The following PIK3C2B variants were observed in gnomAD, a reference collection of about 807,000 sequenced individuals.
The protein encoded by PIK3C2B is phosphatidylinositol-4-phosphate 3-kinase catalytic subunit type 2 beta.
Under a neutral mutation model 184.3 loss-of-function variants are expected in PIK3C2B, and 83 were observed. The observed-to-expected ratio is 0.45, with a 90% CI of 0.38 to 0.54. PIK3C2B has a LOEUF of 0.54. Ranked by LOEUF, PIK3C2B falls within the 20% of genes least tolerant of loss-of-function variation. The pLI is 0.00. For synonymous variants in PIK3C2B, 779 were observed against 837.6 expected (o/e 0.93, Z 1.21); for missense variants, 1,736 against 2,113.5 (o/e 0.82, Z 3.50).
rs1572345062 is a variant in PIK3C2B, at chr1:204,456,140, T to C, written c.1748-89A>G. On this transcript the variant is annotated intron_variant, in intron 10 of 32. Transcript: ENST00000684373. ...TGGCATTGGCTAGAATGGGATGGCC[T>C]AAGACAGTGGTCCCCAAATGCTAGT... 6 of 1,047,144 alleles carry C rather than the reference T, an allele frequency of 5.7e-6. No homozygotes were observed. The South Asian group carries it at 1.0e-4, about 18-fold the overall frequency. 64.9% of individuals were successfully genotyped at this position (1,047,144 alleles called of 1,614,324 possible).
chr1:204,432,183 T>A lies in PIK3C2B; in HGVS notation c.4155+17A>T, dbSNP rs752836531. On this transcript the variant is annotated intron_variant, in intron 27 of 32. Coordinates refer to ENST00000684373, the MANE Select transcript of PIK3C2B (RefSeq NM_001377334.1). ...GCAGAGAGCAGGAAAGGGGGTCAGA[T>A]TGGAGAAAACACTTACATAGCCTTT... 1 of 1,608,878 alleles carries A rather than the reference T, an allele frequency of 6.2e-7. No individual in the cohort carries two copies. The highest frequency in any genetic ancestry group is 8.5e-7 in the Non-Finnish European group (1 of 1,176,108).
intron 1 of PIK3C2B, among the ~76,000 whole-genome samples, chr1:204,480,030 G>C (rs1657006211): frequency 6.6e-6 from 1 of 152,258 alleles, no homozygotes; most frequent in Admixed American, 6.5e-5. Flanking sequence ...GGCGGGGCCG[G>C]GCTAACCCAT....
Position 204,447,436 on chromosome 1 carries a change from C to T in PIK3C2B, c.2489G>A (p.Trp830Ter). Residue 830 changes from tryptophan (W) to a stop codon, truncating the protein, a stop_gained and splice_region_variant, in exon 15 of 33, where the codon TGG (tryptophan) becomes TAG (stop). Transcript: ENST00000684373. LOFTEE classifies it high-confidence loss of function. The surrounding 1 kb of genome is among the most constrained non-coding windows in gnomAD (Gnocchi z 4.1). The stretch of plus-strand genomic sequence containing the variant: ...GATTCAGTGGGGGCCCGGGTCTCAC[C>T]AGTACAAGGACTCTTTCTGCATGAT... ...KDIMQKESLY[W>*]LTDADKKRLW... is the part of the protein sequence containing the mutation. 6.2e-7 allele frequency: 1 copy of T among 1,613,236 alleles called. No individual in the cohort carries two copies. Among genetic ancestry groups the T allele is most frequent in the Non-Finnish European group, 8.5e-7 (1 of 1,179,512 alleles).
rs1174719992 is a variant in PIK3C2B, at chr1:204,457,759, C to T, written c.1682G>A (p.Cys561Tyr). The change falls in exon 9 of 33, where the codon TGC becomes TAC. Residue 561 changes from cysteine (C) to tyrosine (Y), a missense_variant. Cys to Tyr is a radical substitution (Grantham distance 194, BLOSUM62 -2). Coordinates refer to ENST00000684373, the MANE Select transcript of PIK3C2B (RefSeq NM_001377334.1). ...ITSALNQLPP[C>Y]PSRMQPKIQK... ...AATTTTAGGCTGCATGCGGGAGGGG[C>T]AGGGGGGCAGCTGGTTGAGAGCACT... 1.9e-6 allele frequency: 3 copies of T among 1,611,986 alleles called. No homozygotes were observed. The highest frequency in any genetic ancestry group is 1.7e-5 in the Admixed American group (1 of 59,632).
chr1:204,424,656 T>G lies in PIK3C2B; in HGVS notation c.*196A>C. 1.3e-6 allele frequency: 1 copy of G among 752,206 alleles called. No homozygotes were observed. Among genetic ancestry groups the G allele is most frequent in the Non-Finnish European group, 2.4e-6 (1 of 411,960 alleles). 46.6% of individuals were successfully genotyped at this position (752,206 alleles called of 1,614,324 possible). ...GGCTGCTCATCACAACCAACCCAAG[T>G]TCAGTCTCCAGAGGAAGAGACAGCA... is the stretch of plus-strand genomic sequence containing the variant. On this transcript the variant is annotated 3_prime_UTR_variant, in exon 33 of 33. Coordinates refer to ENST00000684373, the MANE Select transcript of PIK3C2B (RefSeq NM_001377334.1).
intron 20 of PIK3C2B, 149 bp downstream of exon 20, chr1:204,442,377 A>G (rs1675713140): frequency 1.7e-6 from 1 of 598,296 alleles, no homozygotes; most frequent in African/African-American, 1.8e-5. Flanking sequence ...CCCCTGAGGA[A>G]AAGATGCTAG....
Position 204,447,525 on chromosome 1 carries a change from G to A in PIK3C2B, c.2400C>T (p.Asp800=), listed in dbSNP as rs549200312. ...FDIKFTSPPG[D]KFSPRYEFGS... ...CAAACTCATAGCGGGGGCTGAACTT[G>A]TCTCCAGGGGGGCTGGTGAACTTGA... The change falls in exon 15 of 33, where the codon GAC becomes GAT. Residue 800 remains aspartate, a synonymous_variant. Coordinates refer to ENST00000684373, the MANE Select transcript of PIK3C2B (RefSeq NM_001377334.1). This position sits in a 1 kb window ranked among gnomAD's most constrained non-coding sequence, Gnocchi z 4.1. 1 of 1,611,070 alleles carries A rather than the reference G, an allele frequency of 6.2e-7. No individual in the cohort carries two copies. The highest frequency in any genetic ancestry group is 8.5e-7 in the Non-Finnish European group (1 of 1,177,824).
chr1:204,456,896 ACACACACACACC>A lies in PIK3C2B; in HGVS notation c.1747+129_1747+140del, dbSNP rs1358788052. Reference sequence around the variant, plus strand: ...GGAACACACACACACACACACACACACACACACACACCCACACACACACACACACCAGCCGAA... The same window carrying A: ...GGAACACACACACACACACACACACACACACACACACACACACCAGCCGAA... On this transcript the variant is annotated intron_variant, in intron 10 of 32. Transcript: ENST00000684373. The A allele has an allele frequency of 9.5e-3, 4,765 of 499,722 alleles. 3 individuals carry two copies. Among genetic ancestry groups the A allele is most frequent in the Middle Eastern group, 0.017 (33 of 1,930 alleles). The allele number at this position is 499,722 out of a possible 1,614,324, so 31.0% of individuals were successfully genotyped here. A position where few individuals can be genotyped will look rare whatever the true frequency, so the allele number is the denominator to read the frequency against.
At chr1:204,442,736 C>T (rs1257471410) in intron 19 of PIK3C2B, 103 bp from the exon 20 acceptor site, 1 of 734,266 alleles carries the variant, frequency 1.4e-6, no homozygotes, top group African/African-American at 1.7e-5. Flanking sequence ...GGTATGAAAA[C>T]CACCCCCTGA....
rs1477343909 is a variant in PIK3C2B, at chr1:204,425,688, A to G, written c.4641T>C (p.Leu1547=). The G allele has an allele frequency of 6.2e-7, 1 of 1,613,914 alleles. No homozygotes were observed. Among genetic ancestry groups the G allele is most frequent in the Non-Finnish European group, 8.5e-7 (1 of 1,179,966 alleles). The part of the protein sequence containing the change: ...DPDPYVKIYL[L]PDPQKTTKRK... ...TCTTAGTGGTTTTCTGAGGGTCAGG[A>G]AGGAGGTAAATTTTCACATAGGGGT... Residue 1547 remains leucine, a synonymous_variant, in exon 32 of 33, where the codon CTT becomes CTC. Coordinates refer to ENST00000684373, the MANE Select transcript of PIK3C2B (RefSeq NM_001377334.1).
rs540424652 is a variant in PIK3C2B at position 204,469,449 on chromosome 1, C to A, written c.354G>T (p.Trp118Cys). The change falls in exon 2 of 33, where the codon TGG becomes TGT. Residue 118 changes from tryptophan to cysteine, a missense_variant. Trp to Cys is a radical substitution (Grantham distance 215). This residue lies in a region of PIK3C2B where 404 missense variants were observed against 418.0 expected (regional missense o/e 0.97). Coordinates refer to ENST00000684373, the MANE Select transcript of PIK3C2B (RefSeq NM_001377334.1). ...AGTCTCCAGACAGGGAGCCTTTGGG[C>A]CAGGGATCTGAGCCAGGCTGTGGCC... is the stretch of plus-strand genomic sequence containing the variant. ...SQGPQPGSDP[W>C]PKGSLSGDYL... The A allele has an allele frequency of 1.3e-6, 2 of 1,581,692 alleles. No homozygotes were observed. The highest frequency in any genetic ancestry group is 1.7e-6 in the Non-Finnish European group (2 of 1,167,552).
intron 31 of PIK3C2B, among the ~76,000 whole-genome samples, chr1:204,426,953 T>C (rs1037625563): frequency 3.3e-5 from 5 of 152,036 alleles, no homozygotes; most frequent in Non-Finnish European, 5.9e-5. Flanking sequence ...CTAGCCAACA[T>C]AGTGAAACCC....
intron 1 of PIK3C2B, among the ~76,000 whole-genome samples, chr1:204,478,184 C>G (rs572093644): frequency 7.2e-5 from 11 of 152,210 alleles, no homozygotes; most frequent in Admixed American, 4.6e-4. Flanking sequence ...GGACTTAAAC[C>G]CTTTGGTGTC....
chr1:204,436,366 C>A (rs749142068), intron 23 of PIK3C2B, among the ~76,000 whole-genome samples: 1 of 152,004 alleles, frequency 6.6e-6, no homozygotes, highest in East Asian at 1.9e-4. Flanking sequence ...CCCATCTCCA[C>A]GAAAAATAGA....
At chr1:204,490,150 C>G (rs1426270791) in intron 1 of PIK3C2B, 1 of 388,090 alleles carries the variant, frequency 2.6e-6, no homozygotes, top group Non-Finnish European at 4.5e-6. Context: ...TCTTTGGCTT[C>G]TCTGAAATAC....
intron 1 of PIK3C2B, among the ~76,000 whole-genome samples, chr1:204,481,020 T>A (rs763735207): frequency 6.6e-6 from 1 of 152,028 alleles, no homozygotes; most frequent in Non-Finnish European, 1.5e-5. Flanking sequence ...CCTGAAGCCA[T>A]AGGGATCACA....
intron 1 of PIK3C2B, among the ~76,000 whole-genome samples, chr1:204,475,600 T>C (rs1656648968): frequency 6.6e-6 from 1 of 152,174 alleles, no homozygotes; most frequent in Non-Finnish European, 1.5e-5. Flanking sequence ...TTGGCATCTG[T>C]AAGGCAGGGG....
intron 24 of PIK3C2B, 61 bp downstream of exon 24, chr1:204,434,378 G>T: frequency 1.3e-6 from 2 of 1,490,120 alleles, no homozygotes; most frequent in Non-Finnish European, 1.9e-6. Context: ...TCCCAGCTCT[G>T]AACCACTGTT....
chr1:204,494,329 A>C (rs1240345322), intron 1 of PIK3C2B, 27 bp downstream of exon 1: 1 of 152,390 alleles, frequency 6.6e-6, no homozygotes, highest in Non-Finnish European at 1.5e-5. Flanking sequence ...GCTGGGGCCG[A>C]TGCAACCCGC....
Sources: gnomAD v4.1 joint callset for allele counts (sites outside exome capture counted in the v4.1 genomes callset) on GRCh38, gnomAD v4.1.1 for gene constraint, gnomAD v4.1.1 regional missense constraint, Gnocchi (gnomAD v3.1) non-coding constraint, MANE v1.5 for transcripts, NCBI Gene and HGNC (gene_info 2026-07-23, HGNC 2026-07-21) for gene names.